The following CERK variants were observed in gnomAD, a reference collection of about 807,000 sequenced individuals.
The protein encoded by CERK is ceramide kinase.
CERK carries 39 observed loss-of-function variants against 63.4 expected under a neutral mutation model. That is an observed-to-expected ratio of 0.61 (90% confidence interval 0.48 to 0.80). CERK has a LOEUF of 0.80. Among genes scored for constraint, CERK ranks in the 30% least tolerant of loss-of-function variants. The probability of loss-of-function intolerance (pLI) is 0.00; values close to 1 mark genes in which losing one functional copy is unlikely to be tolerated. For missense variants in CERK, 670 were observed against 714.1 expected, an observed-to-expected ratio of 0.94 and a Z score of 0.70; for synonymous variants, 302 against 280.0, an observed-to-expected ratio of 1.08 and a Z score of -0.78.
rs542865009 is a variant in CERK, at chr22:46,687,206, T to G, written c.1542A>C (p.Arg514Ser). ...EVLHSPAIEV[R>S]VHCQLVRLFA... ...AGAGTCGAACCAGCTGGCAGTGGAC[T>G]CTGCAGAGACAAGCGGCCACGTGTA... is the stretch of plus-strand genomic sequence containing the variant. The change falls in exon 13 of 13, where the codon AGA becomes AGC. Residue 514 changes from arginine (R) to serine (S), a missense_variant and splice_region_variant. Physicochemically the swap from Arg to Ser is moderately radical, Grantham distance 110. Transcript: ENST00000216264. The G allele has an allele frequency of 1.7e-5, 27 of 1,613,928 alleles. No homozygotes were observed. The South Asian group carries it at 2.0e-4, about 12-fold the overall frequency.
chr22:46,736,813 A>G (rs997455935), intron 1 of CERK, among the ~76,000 whole-genome samples: 2 of 152,096 alleles, frequency 1.3e-5, no homozygotes, highest in African/African-American at 4.8e-5. Flanking sequence ...CAACCCACAG[A>G]TCCTCACCAC....
chr22:46,720,959 C>T lies in CERK; in HGVS notation c.199G>A (p.Gly67Arg), dbSNP rs199829071. 6.9e-5 allele frequency: 111 copies of T among 1,613,720 alleles called. No individual in the cohort carries two copies. In the African/African-American group the frequency reaches 7.6e-4, roughly 11 times the overall value. The change falls in exon 2 of 13, where the codon GGG becomes AGG. Residue 67 changes from glycine to arginine, a missense_variant. Transcript: ENST00000216264. ...CATTTTCCACTGCCTTGATGTTTCC[C>T]GTGAACGTCTGTTTCCTCAACGGCG... ...IIAVEETDVH[G>R]KHQGSGKWQK... is the part of the protein sequence containing the mutation.
At chr22:46,707,716 G>A in intron 6 of CERK, 127 bp downstream of exon 6, 1 of 1,098,046 alleles carries the variant, frequency 9.1e-7, no homozygotes, top group Non-Finnish European at 1.3e-6. Flanking sequence ...TGGCCCTAAT[G>A]TTAGGAAATC....
chr22:46,707,732 G>A lies in CERK; in HGVS notation c.715+111C>T, dbSNP rs1054692474. 172 of 1,244,398 alleles carry A rather than the reference G, an allele frequency of 1.4e-4. 2 individuals carry two copies. In the Admixed American group the frequency reaches 3.2e-3, roughly 23 times the overall value. 77.1% of individuals were successfully genotyped at this position (1,244,398 alleles called of 1,614,324 possible). ...GGCCCTAATGTTAGGAAATCTGTAC[G>A]AACTAAACTGAGTATAATTGGGTTA... On this transcript the variant is annotated intron_variant, in intron 6 of 12. Coordinates refer to ENST00000216264, the MANE Select transcript of CERK (RefSeq NM_022766.6).
At chr22:46,699,177 T>C (rs1033153956) in intron 8 of CERK, 136 bp downstream of exon 8, 11 of 893,178 alleles carry the variant, frequency 1.2e-5, no homozygotes, top group Non-Finnish European at 2.0e-5. Flanking sequence ...GCACATTTCA[T>C]GAGGCCCTTA....
intron 12 of CERK, among the ~76,000 whole-genome samples, chr22:46,687,842 A>C (rs2082710994): frequency 6.6e-6 from 1 of 152,048 alleles, no homozygotes; most frequent in Non-Finnish European, 1.5e-5. Context: ...TATTTATCTC[A>C]TTTATTAATG....
chr22:46,716,410 C>T (rs1479292050), intron 3 of CERK, among the ~76,000 whole-genome samples: 6 of 150,556 alleles, frequency 4.0e-5, no homozygotes, highest in South Asian at 2.1e-4. Flanking sequence ...AGGCTGGTCC[C>T]GAACTCTTGA....
intron 4 of CERK, 23 bp from the exon 5 acceptor site, chr22:46,711,172 AC>A: frequency 6.3e-7 from 1 of 1,586,386 alleles, no homozygotes; most frequent in East Asian, 2.2e-5. Flanking sequence ...ATTACATCAC[AC>A]AGTTTATATT....
intron 1 of CERK, among the ~76,000 whole-genome samples, chr22:46,731,110 A>G (rs750669974): frequency 6.6e-6 from 1 of 152,272 alleles, no homozygotes; most frequent in Non-Finnish European, 1.5e-5. Flanking sequence ...TGGAACCCCC[A>G]TCAGCGCCAG....
chr22:46,689,335 A>C (rs891115674), intron 12 of CERK, among the ~76,000 whole-genome samples: 2 of 152,174 alleles, frequency 1.3e-5, no homozygotes, highest in Admixed American at 1.3e-4. Context: ...GATTCAGTGG[A>C]CAAAGGACTG....
In CERK at chr22:46,686,873, C is replaced by G; in HGVS notation, c.*261G>C. 1 of 457,292 alleles carries G rather than the reference C, an allele frequency of 2.2e-6. No homozygotes were observed. The highest frequency in any genetic ancestry group is 2.7e-5 in the South Asian group (1 of 37,522). The allele number at this position is 457,292 out of a possible 1,614,324, so 28.3% of individuals were successfully genotyped here. On this transcript the variant is annotated 3_prime_UTR_variant, in exon 13 of 13. Transcript: ENST00000216264. ...ACTACACTGTTGACATCGTTAAAAC[C>G]TAAGAGGCCAGTGCCCCCAAGTGAG...
At chr22:46,734,694 A>C (rs1485994584) in intron 1 of CERK, among the ~76,000 whole-genome samples, 21 of 152,224 alleles carry the variant, frequency 1.4e-4, no homozygotes, top group Admixed American at 1.3e-3. Flanking sequence ...TAGGAGAGGA[A>C]TTAGTAGCGT....
rs562188951 is a variant in CERK, at chr22:46,700,175, C to T, written c.791-710G>A. ...TTGGGAGGCTGAGGTGGGTGGATCA[C>T]CTGAGGTCAGGAGTTCGAGACCAGC... is the stretch of plus-strand genomic sequence containing the variant. On this transcript the variant is annotated intron_variant, in intron 7 of 12. Coordinates refer to ENST00000216264, the MANE Select transcript of CERK (RefSeq NM_022766.6). 2.0e-3 allele frequency among the ~76,000 whole-genome samples: 298 copies of T among 152,232 alleles called. 1 individual carries two copies. Among genetic ancestry groups the T allele is most frequent in the Non-Finnish European group, 2.4e-3 (163 of 68,020 alleles).
intron 3 of CERK, among the ~76,000 whole-genome samples, chr22:46,718,287 T>C (rs1319737638): frequency 1.5e-4 from 23 of 152,070 alleles, no homozygotes; most frequent in Admixed American, 1.5e-3. Flanking sequence ...TCTGCACCTA[T>C]AGGATCAGGT....
chr22:46,701,430 C>T (rs1472573800), intron 7 of CERK, among the ~76,000 whole-genome samples: 2 of 152,250 alleles, frequency 1.3e-5, no homozygotes, highest in African/African-American at 4.8e-5. Context: ...GGGCGTGCCC[C>T]CAGGAAGCCC....
intron 1 of CERK, among the ~76,000 whole-genome samples, chr22:46,731,579 T>C (rs2082945608): frequency 6.6e-6 from 1 of 152,034 alleles, no homozygotes; most frequent in African/African-American, 2.4e-5. Context: ...AAATAACCAG[T>C]GCTAGGTGAG....
intron 1 of CERK, among the ~76,000 whole-genome samples, 156 bp downstream of exon 1, chr22:46,737,851 C>A (rs571173307): frequency 6.6e-6 from 1 of 152,148 alleles, no homozygotes; most frequent in Non-Finnish European, 1.5e-5. Context: ...GCCTCCCTCC[C>A]GCCTGCCCCG....
chr22:46,708,084 C>T (rs1180798557), intron 5 of CERK, 96 bp from the exon 6 acceptor site: 1 of 1,370,518 alleles, frequency 7.3e-7, no homozygotes, highest in Non-Finnish European at 9.7e-7. Flanking sequence ...GCAGCCTGCA[C>T]ACCTGGCCCT....
chr22:46,726,860 C>T (rs557141227), intron 1 of CERK, among the ~76,000 whole-genome samples: 15 of 151,992 alleles, frequency 9.9e-5, no homozygotes, highest in East Asian at 3.9e-4. Context: ...ACCCACGTGA[C>T]GCCCACAGGT....
Sources: allele counts gnomAD v4.1 joint callset (sites outside exome capture counted in the v4.1 genomes callset), GRCh38; gene constraint gnomAD v4.1.1; transcripts MANE v1.5; gene names NCBI Gene and HGNC (gene_info 2026-07-23, HGNC 2026-07-21).